SLC10A1: variants seen among roughly 807,000 people sequenced by gnomAD.
The protein encoded by SLC10A1 is solute carrier family 10 member 1.
Under a neutral mutation model 20.5 loss-of-function variants are expected in SLC10A1, and 36 were observed. That is an observed-to-expected ratio of 1.75 (90% CI 1.34 to 2.32). The LOEUF is 2.32. SLC10A1 is among the 30% of genes most tolerant of loss of function. The probability of loss-of-function intolerance (pLI) is 0.00; values close to 1 mark genes in which losing one functional copy is unlikely to be tolerated. For synonymous variants in SLC10A1, 188 were observed against 163.6 expected (o/e 1.15, Z -1.14); for missense variants, 545 against 439.1 (o/e 1.24, Z -2.16).
intron 1 of SLC10A1, among the ~76,000 whole-genome samples, chr14:69,791,569 G>A (rs187704568): frequency 6.7e-4 from 102 of 152,264 alleles, no homozygotes; most frequent in African/African-American, 2.4e-3. Context: ...CAAAGTGCTG[G>A]GATTACAGGC....
intron 1 of SLC10A1, among the ~76,000 whole-genome samples, chr14:69,788,185 C>T (rs1883766502): frequency 6.6e-6 from 1 of 151,932 alleles, no homozygotes; most frequent in Admixed American, 6.6e-5. Flanking sequence ...GGTATTAGAC[C>T]TGGGATGGGA....
At chr14:69,796,206 GTGC>G (rs1882383826) in intron 1 of SLC10A1, among the ~76,000 whole-genome samples, 1 of 152,192 alleles carries the variant, frequency 6.6e-6, no homozygotes, top group Non-Finnish European at 1.5e-5. Flanking sequence ...TCTGGAGTGG[GTGC>G]TGGGAAACTC....
intron 2 of SLC10A1, among the ~76,000 whole-genome samples, chr14:69,780,974 C>G (rs1323412343): frequency 6.6e-6 from 1 of 152,170 alleles, no homozygotes; most frequent in Admixed American, 6.5e-5. Context: ...GGCATTCACT[C>G]TTATTCTCTC....
Position 69,796,815 on chromosome 14 carries a change from C to T in SLC10A1, c.341G>A (p.Gly114Glu). 1 of 1,613,752 alleles carries T rather than the reference C, an allele frequency of 6.2e-7. No individual in the cohort carries two copies. Among genetic ancestry groups the T allele is most frequent in the Non-Finnish European group, 8.5e-7 (1 of 1,179,766 alleles). Residue 114 changes from glycine to glutamate, a missense_variant, in exon 1 of 5, where the codon GGG (glycine) becomes GAG (glutamate). By Grantham distance (98) the Gly-to-Glu change is moderately conservative. Coordinates refer to ENST00000216540, the MANE Select transcript of SLC10A1 (RefSeq NM_003049.4). The stretch of plus-strand genomic sequence containing the variant: ...CCAGGCCTACCTGAGGTTCATGTCC[C>T]CCTTCATGGCCAGACTGAAGACATT... ...LSNVFSLAMK[G>E]DMNLSIVMTT...
intron 1 of SLC10A1, among the ~76,000 whole-genome samples, chr14:69,792,753 C>T (rs1435660262): frequency 1.3e-5 from 2 of 149,034 alleles, no homozygotes; most frequent in Non-Finnish European, 3.0e-5. Context: ...AATCTGACAA[C>T]AGGAGAATGG....
chr14:69,778,783 C>G (rs1011183164), intron 3 of SLC10A1, among the ~76,000 whole-genome samples: 3 of 152,184 alleles, frequency 2.0e-5, no homozygotes, highest in Non-Finnish European at 4.4e-5. Flanking sequence ...AGGAAAGTGT[C>G]TTGCCCAGAT....
rs143708210 is a variant in SLC10A1 at position 69,788,027 on chromosome 14, TA to T, written c.357-1721del. ...GTGAGCTATGTTAGCGCCACTCCAC[TA>T]AAAAAAAAGGTGCCCACGGACAAGA... is the stretch of plus-strand genomic sequence containing the variant. On this transcript the variant is annotated intron_variant, in intron 1 of 4. Transcript: ENST00000216540. Among the ~76,000 whole-genome samples the T allele has an allele frequency of 2.9e-3, 437 of 149,724 alleles. 4 individuals carry two copies. The highest frequency in any genetic ancestry group is 0.014 in the South Asian group (65 of 4,744).
At chr14:69,794,576 C>G (rs1047401128) in intron 1 of SLC10A1, among the ~76,000 whole-genome samples, 1 of 152,176 alleles carries the variant, frequency 6.6e-6, no homozygotes, top group East Asian at 1.9e-4. Flanking sequence ...TTCTTATAAT[C>G]GTTGTCATTA....
chr14:69,791,553 A>G (rs10142031), intron 1 of SLC10A1, among the ~76,000 whole-genome samples: 55,690 of 151,822 alleles, frequency 0.37, 12,189 homozygotes, highest in African/African-American at 0.61. Flanking sequence ...GCCAGCCTTG[A>G]CCTCCCAAAG....
chr14:69,785,423 A>G (rs2139716401), intron 2 of SLC10A1, among the ~76,000 whole-genome samples: 2 of 152,156 alleles, frequency 1.3e-5, no homozygotes, highest in East Asian at 3.9e-4. Flanking sequence ...AACTCTATTC[A>G]GGCTTCTCCC....
chr14:69,785,289 C>G (rs556442651), intron 2 of SLC10A1, among the ~76,000 whole-genome samples: 1 of 152,208 alleles, frequency 6.6e-6, no homozygotes, highest in East Asian at 1.9e-4. Flanking sequence ...TTCTCAAAAC[C>G]TTTGTGGCCT....
chr14:69,795,906 G>C lies in SLC10A1; in HGVS notation c.356+894C>G, dbSNP rs78428365. 9.9e-3 allele frequency among the ~76,000 whole-genome samples: 1,503 copies of C among 152,264 alleles called. 26 individuals are homozygous for C. Among genetic ancestry groups the C allele is most frequent in the African/African-American group, 0.034 (1,417 of 41,538 alleles). Reference sequence around the variant, plus strand: ...GCGTCTCCACGGAGGACTAAACCAGGGGGGACTGGCTTGAGACTGAGGTTT... The same window carrying C: ...GCGTCTCCACGGAGGACTAAACCAGCGGGGACTGGCTTGAGACTGAGGTTT... On this transcript the variant is annotated intron_variant, in intron 1 of 4. Transcript: ENST00000216540.
At position 69,776,335 on chromosome 14, in the gene SLC10A1, C is replaced by T. The variant is rs762396962; in HGVS notation, c.997G>A (p.Ala333Thr). 40 of 1,613,744 alleles carry T rather than the reference C, an allele frequency of 2.5e-5. No individual in the cohort carries two copies. The highest frequency in any genetic ancestry group is 1.2e-4 in the African/African-American group (9 of 74,906). ...CCTTTGTAGGTGCCATTTCCCAGAG[C>T]TCCTGGAATTGTTTCTTCAGTTGTG... ...AATTEETIPGALGNGTYKGED... is the reference protein window; with the variant it reads ...AATTEETIPGTLGNGTYKGED... Residue 333 changes from alanine to threonine, a missense_variant, in exon 5 of 5, where the codon GCT becomes ACT. Ala to Thr is a moderately conservative substitution (Grantham distance 58). Transcript: ENST00000216540.
chr14:69,781,441 A>G (rs1355960214), intron 2 of SLC10A1, among the ~76,000 whole-genome samples: 1 of 152,210 alleles, frequency 6.6e-6, no homozygotes, highest in Non-Finnish European at 1.5e-5. Context: ...GGTGGCCCGC[A>G]CAGGCTGGTG....
chr14:69,788,261 TATC>T (rs1450175917), intron 1 of SLC10A1, among the ~76,000 whole-genome samples: 4 of 152,068 alleles, frequency 2.6e-5, no homozygotes, highest in Non-Finnish European at 5.9e-5. Context: ...TTTCTAATTA[TATC>T]ATCAAATATG....
At chr14:69,794,784 T>A (rs968201587) in intron 1 of SLC10A1, among the ~76,000 whole-genome samples, 1 of 148,654 alleles carries the variant, frequency 6.7e-6, no homozygotes, top group Non-Finnish European at 1.5e-5. Context: ...TGTGGGGGTC[T>A]AGGTAAAAAT....
chr14:69,778,392 C>A lies in SLC10A1; in HGVS notation c.884G>T (p.Gly295Val). 6.2e-7 allele frequency: 1 copy of A among 1,613,758 alleles called. No homozygotes were observed. Among genetic ancestry groups the A allele is most frequent in the Non-Finnish European group, 8.5e-7 (1 of 1,179,838 alleles). The change falls in exon 4 of 5, where the codon GGA becomes GTA. Residue 295 changes from glycine to valine, a missense_variant. By Grantham distance (109) the Gly-to-Val change is moderately radical (BLOSUM62 -3). Coordinates refer to ENST00000216540, the MANE Select transcript of SLC10A1 (RefSeq NM_003049.4). ...TATGGCAATGAGGAGAAGCCCTTCT[C>A]CAAGCTGGAAAATCATGTAGAGGAG... ...FPLLYMIFQLGEGLLLIAIFW... is the reference protein window; with the variant it reads ...FPLLYMIFQLVEGLLLIAIFW...
At chr14:69,786,031 ATCT>A (rs1883702991) in intron 2 of SLC10A1, 63 bp downstream of exon 2, 8 of 1,129,884 alleles carry the variant, frequency 7.1e-6, no homozygotes, top group Non-Finnish European at 1.1e-5. Context: ...TAATGATTAT[ATCT>A]TATAGTTGTA....
At chr14:69,779,485 T>C (rs759347680) in intron 2 of SLC10A1, 125 bp from the exon 3 acceptor site, 1 of 658,072 alleles carries the variant, frequency 1.5e-6, no homozygotes, top group Non-Finnish European at 2.5e-6. Context: ...TGGAAAGGAA[T>C]ATGAAAGACC....
Sources: gnomAD v4.1 joint callset for allele counts (sites outside exome capture counted in the v4.1 genomes callset) on GRCh38, gnomAD v4.1.1 for gene constraint, MANE v1.5 for transcripts, NCBI Gene and HGNC (gene_info 2026-07-23, HGNC 2026-07-21) for gene names.